CABIN1: variants seen among roughly 807,000 people sequenced by gnomAD.
CABIN1 encodes the protein calcineurin binding protein 1.
Under a neutral mutation model 227.7 loss-of-function variants are expected in CABIN1, and 133 were observed. The observed-to-expected ratio is 0.58, with a 90% CI of 0.51 to 0.67. The LOEUF (loss-of-function observed/expected upper bound fraction) is 0.67, where lower values mean the gene tolerates loss of function less well. Among genes scored for constraint, CABIN1 ranks in the 30% least tolerant of loss-of-function variants. The pLI, the probability that CABIN1 is intolerant of heterozygous loss-of-function variation, is 0.00. For missense variants in CABIN1, 2,408 were observed against 2,852.5 expected (o/e 0.84, Z 3.55); for synonymous variants, 1,086 against 1,155.1 (o/e 0.94, Z 1.21).
chr22:24,139,774 C>G (rs934332512), intron 29 of CABIN1, among the ~76,000 whole-genome samples: 3 of 152,194 alleles, frequency 2.0e-5, no homozygotes, highest in Non-Finnish European at 2.9e-5. Context: ...TGCTGTGTTC[C>G]TAAGTCCCCT....
intron 1 of CABIN1, among the ~76,000 whole-genome samples, chr22:24,012,856 G>A (rs1014782466): frequency 1.3e-5 from 2 of 152,052 alleles, no homozygotes; most frequent in Admixed American, 6.5e-5. Flanking sequence ...CGCCTCCCGG[G>A]TTCAAGCAGT....
chr22:24,042,966 G>A lies in CABIN1; in HGVS notation c.408G>A (p.Arg136=). 6.2e-7 allele frequency: 1 copy of A among 1,613,166 alleles called. No individual in the cohort carries two copies. The highest frequency in any genetic ancestry group is 8.5e-7 in the Non-Finnish European group (1 of 1,179,704). ...ATAAGATTGGACATGTGGCCCTGAG[G>A]CTCATCCGGATCCCCCTGGCTCGCC... ...LWYKIGHVAL[R]LIRIPLARHA... The change falls in exon 6 of 37, where the codon AGG becomes AGA. Residue 136 remains arginine (R), a synonymous_variant. Transcript: ENST00000263119.
chr22:24,030,031 T>G (rs527860253), intron 1 of CABIN1, among the ~76,000 whole-genome samples: 1 of 152,248 alleles, frequency 6.6e-6, no homozygotes, highest in Non-Finnish European at 1.5e-5. Context: ...CATGTAATAC[T>G]TGGGCATTGA....
At chr22:24,094,650 T>A (rs1168964753) in intron 24 of CABIN1, among the ~76,000 whole-genome samples, 2 of 150,520 alleles carry the variant, frequency 1.3e-5, no homozygotes, top group Admixed American at 1.3e-4. Context: ...ACCCCGTCTC[T>A]ACTAAAAATA....
intron 29 of CABIN1, among the ~76,000 whole-genome samples, chr22:24,137,841 G>A (rs2044513385): frequency 6.6e-6 from 1 of 152,284 alleles, no homozygotes; most frequent in Non-Finnish European, 1.5e-5. Flanking sequence ...GCCCTTGGCT[G>A]ACTCTGCTGG....
At chr22:24,071,544 A>G (rs73401672) in intron 17 of CABIN1, among the ~76,000 whole-genome samples, 3,256 of 152,020 alleles carry the variant, frequency 0.021, 133 homozygotes, top group African/African-American at 0.073. Flanking sequence ...TGCCAAATCT[A>G]TATCCTCACC....
Position 24,043,054 on chromosome 22 carries a change from A to G in CABIN1, c.496A>G (p.Thr166Ala), listed in dbSNP as rs2037552475. Reference protein sequence around the residue: ...DHWPCLDNLITVLYTLSDYTT... With the variant: ...DHWPCLDNLIAVLYTLSDYTT... ...CTGGCCCTGTTTGGATAACCTAATC[A>G]CTGTCCTGTACACCCTCAGTGATTA... Residue 166 changes from threonine to alanine, a missense_variant, in exon 6 of 37, where the codon ACT becomes GCT. Thr to Ala is a moderately conservative substitution (Grantham distance 58). This residue lies in a region of CABIN1 where 1,045 missense variants were observed against 1,168.4 expected (regional missense o/e 0.89). Transcript: ENST00000263119. 9 of 1,613,652 alleles carry G rather than the reference A, an allele frequency of 5.6e-6. No homozygotes were observed. The highest frequency in any genetic ancestry group is 2.7e-5 in the African/African-American group (2 of 74,758).
At chr22:24,076,469 TGATAAGACTTTCTTGCCAGAAAGTTC>T (rs1308356459) in intron 19 of CABIN1, among the ~76,000 whole-genome samples, 185 bp downstream of exon 19, 1 of 152,126 alleles carries the variant, frequency 6.6e-6, no homozygotes, top group East Asian at 1.9e-4. Context: ...TCAGAAAGTC[TGATAAGACTTTCTTGCCAGAAAGTTC>T]CCTTGTGTAC....
At chr22:24,059,798 G>T (rs1404147327) in intron 11 of CABIN1, 126 bp from the exon 12 acceptor site, 2 of 848,310 alleles carry the variant, frequency 2.4e-6, no homozygotes, top group African/African-American at 3.4e-5. Context: ...CCACAACGTG[G>T]TATCATGTCC....
At chr22:24,080,847 C>G (rs1569181615) in intron 19 of CABIN1, among the ~76,000 whole-genome samples, 1 of 152,124 alleles carries the variant, frequency 6.6e-6, no homozygotes, top group East Asian at 1.9e-4. Flanking sequence ...CTTGAATTTT[C>G]TATGTAGACA....
At chr22:24,082,026 C>T (rs915238175) in intron 19 of CABIN1, among the ~76,000 whole-genome samples, 3 of 150,406 alleles carry the variant, frequency 2.0e-5, no homozygotes, top group African/African-American at 7.3e-5. Flanking sequence ...GACTCCATCT[C>T]AAGAAAAAAG....
chr22:24,041,071 A>G lies in CABIN1; in HGVS notation c.211-68A>G, dbSNP rs901366110. Reference sequence around the variant, plus strand: ...GCAGCAGAGGCCAGCCTGGAAGCCAAGTATCCTGCTGGCTGCTTGCTGAGG... The same window carrying G: ...GCAGCAGAGGCCAGCCTGGAAGCCAGGTATCCTGCTGGCTGCTTGCTGAGG... On this transcript the variant is annotated intron_variant, in intron 4 of 36. Coordinates refer to ENST00000263119, the MANE Select transcript of CABIN1 (RefSeq NM_012295.4). The G allele has an allele frequency of 1.8e-4, 289 of 1,604,816 alleles. No homozygotes were observed. The East Asian group carries it at 1.8e-3, about 10-fold the overall frequency.
intron 28 of CABIN1, among the ~76,000 whole-genome samples, chr22:24,121,072 G>A (rs1353442821): frequency 6.6e-6 from 1 of 151,884 alleles, no homozygotes; most frequent in Non-Finnish European, 1.5e-5. Flanking sequence ...GGGCCAGAGA[G>A]GGCCAGGTAT....
chr22:24,084,845 C>A, intron 21 of CABIN1, 60 bp downstream of exon 21: 1 of 1,576,440 alleles, frequency 6.3e-7, no homozygotes, highest in Non-Finnish European at 8.7e-7. Context: ...TCCGCTCTGC[C>A]ACTGCTGTAT....
chr22:24,056,302 T>G lies in CABIN1; in HGVS notation c.1204T>G (p.Cys402Gly), dbSNP rs746352739. ...GTCTGCCCGTGTCCGAAACACCAAG[T>G]GCAAAAAAGAAGAGAAAGTAGACTT... The part of the protein sequence containing the change: ...RRSARVRNTK[C>G]KKEEKVDFQE... The change falls in exon 10 of 37, where the codon TGC becomes GGC. Residue 402 changes from cysteine to glycine, a missense_variant. Physicochemically the swap from Cys to Gly is radical, Grantham distance 159. Transcript: ENST00000263119. The G allele has an allele frequency of 1.2e-6, 2 of 1,613,828 alleles. No individual in the cohort carries two copies. The highest frequency in any genetic ancestry group is 2.2e-5 in the South Asian group (2 of 91,054).
chr22:24,039,285 A>G (rs1002942127), intron 4 of CABIN1, among the ~76,000 whole-genome samples: 1 of 152,206 alleles, frequency 6.6e-6, no homozygotes, highest in Non-Finnish European at 1.5e-5. Context: ...AGTGCTAGGC[A>G]TGCAGACACT....
At chr22:24,147,251 GCC>G (rs2045179626) in intron 29 of CABIN1, among the ~76,000 whole-genome samples, 1 of 90,228 alleles carries the variant, frequency 1.1e-5, no homozygotes, top group Non-Finnish European at 2.3e-5. Flanking sequence ...CTCTCTCCCT[GCC>G]TCCCTCCCTC....
intron 28 of CABIN1, 125 bp from the exon 29 acceptor site, chr22:24,134,177 G>A: frequency 4.3e-6 from 3 of 705,546 alleles, no homozygotes; most frequent in African/African-American, 1.8e-5. Flanking sequence ...TGGAATCGAT[G>A]TCTGCAGGAA....
chr22:24,151,025 G>A (rs1336050295), intron 29 of CABIN1, among the ~76,000 whole-genome samples: 5 of 152,170 alleles, frequency 3.3e-5, no homozygotes, highest in Non-Finnish European at 5.9e-5. Flanking sequence ...AGGCAACACA[G>A]GGGATTGAAG....
Sources: allele counts gnomAD v4.1 joint callset (sites outside exome capture counted in the v4.1 genomes callset), GRCh38; gene constraint gnomAD v4.1.1; regional missense constraint gnomAD v4.1.1; transcripts MANE v1.5; gene names NCBI Gene and HGNC (gene_info 2026-07-23, HGNC 2026-07-21).